CFAP299: variants seen among roughly 807,000 people sequenced by gnomAD.
CFAP299 encodes the protein cilia- and flagella-associated protein 299.
In CFAP299, 21 loss-of-function variants were observed where a neutral mutation model predicts 27.0. The ratio of observed to expected loss-of-function variants is 0.78; its 90% CI spans 0.55 to 1.12. The LOEUF is 1.12. Ranked by LOEUF, CFAP299 falls within the 50% of genes most tolerant of loss-of-function variation. The pLI, the probability that CFAP299 is intolerant of heterozygous loss-of-function variation, is 0.00. For synonymous variants in CFAP299, 104 were observed against 98.1 expected, an observed-to-expected ratio of 1.06 and a Z score of -0.36; for missense variants, 310 against 276.6, an observed-to-expected ratio of 1.12 and a Z score of -0.86.
chr4:80,380,053 T>A (rs1337839237), intron 2 of CFAP299, among the ~76,000 whole-genome samples: 1 of 152,140 alleles, frequency 6.6e-6, no homozygotes, highest in Non-Finnish European at 1.5e-5. Flanking sequence ...TAAAATACTA[T>A]CTTTTTGATT....
chr4:80,554,838 T>C (rs1020308911), intron 2 of CFAP299, among the ~76,000 whole-genome samples: 1 of 152,138 alleles, frequency 6.6e-6, no homozygotes, highest in Non-Finnish European at 1.5e-5. Context: ...GTGATTTTTG[T>C]ACATTGATTT....
At chr4:80,356,160 T>A (rs959906814) in intron 1 of CFAP299, among the ~76,000 whole-genome samples, 2 of 152,052 alleles carry the variant, frequency 1.3e-5, no homozygotes, top group African/African-American at 4.8e-5. Flanking sequence ...GACATGTGGC[T>A]TTATTTCTGA....
At chr4:80,754,582 A>T (rs1725128047) in intron 3 of CFAP299, among the ~76,000 whole-genome samples, 1 of 151,926 alleles carries the variant, frequency 6.6e-6, no homozygotes, top group African/African-American at 2.4e-5. Context: ...GGTTGCTCTT[A>T]AACTCCAATA....
At chr4:80,896,388 G>T (rs975348896) in intron 4 of CFAP299, among the ~76,000 whole-genome samples, 1 of 152,102 alleles carries the variant, frequency 6.6e-6, no homozygotes, top group African/African-American at 2.4e-5. Context: ...GGGCAGTATT[G>T]TAATGTTTTA....
At chr4:80,866,692 T>C (rs1431908793) in intron 3 of CFAP299, among the ~76,000 whole-genome samples, 2 of 152,138 alleles carry the variant, frequency 1.3e-5, no homozygotes, top group African/African-American at 4.8e-5. Context: ...TATAGTCCGC[T>C]TGACCTCACT....
intron 2 of CFAP299, among the ~76,000 whole-genome samples, chr4:80,495,817 C>T (rs1731408418): frequency 6.6e-6 from 1 of 152,186 alleles, no homozygotes; most frequent in Non-Finnish European, 1.5e-5. Context: ...AGGAAACGTA[C>T]AACTTACCAT....
At chr4:80,726,341 T>C (rs1159139542) in intron 3 of CFAP299, among the ~76,000 whole-genome samples, 1 of 152,188 alleles carries the variant, frequency 6.6e-6, no homozygotes, top group African/African-American at 2.4e-5. Context: ...TTGTGGTTTT[T>C]GCCTTTTTTA....
At chr4:80,488,957 A>G (rs1018752877) in intron 2 of CFAP299, among the ~76,000 whole-genome samples, 16 of 152,318 alleles carry the variant, frequency 1.1e-4, no homozygotes, top group African/African-American at 3.8e-4. Context: ...ATGCTTCTGT[A>G]CACAAGATCT....
Position 80,579,933 on chromosome 4 carries a change from T to C in CFAP299, c.243-3160T>C, listed in dbSNP as rs1736081044. On this transcript the variant is annotated intron_variant, in intron 2 of 5. Coordinates refer to ENST00000358105, the MANE Select transcript of CFAP299 (RefSeq NM_152770.3). The stretch of plus-strand genomic sequence containing the variant: ...AAATTGGACTTTATCTGTAAAGCTC[T>C]AAAAATTTACAGCAAAATAAGCTAT... Among the ~76,000 whole-genome samples, 4 of 152,204 alleles carry C rather than the reference T, an allele frequency of 2.6e-5. No homozygotes were observed. In the East Asian group the frequency reaches 7.7e-4, roughly 29 times the overall value.
chr4:80,584,425 G>T lies in CFAP299; in HGVS notation c.333+1242G>T, dbSNP rs778820564. ...GACTAAGGAAAATGTTAGAGGTCAA[G>T]ATGTGGTAATTGAAGAAAATACTAG... On this transcript the variant is annotated intron_variant, in intron 3 of 5. Transcript: ENST00000358105. 5.7e-4 allele frequency among the ~76,000 whole-genome samples: 87 copies of T among 152,138 alleles called. 1 individual carries two copies. The Middle Eastern group carries it at 0.01, about 18-fold the overall frequency.
intron 2 of CFAP299, among the ~76,000 whole-genome samples, chr4:80,389,807 T>G (rs1725226867): frequency 6.6e-6 from 1 of 152,208 alleles, no homozygotes; most frequent in African/African-American, 2.4e-5. Flanking sequence ...ACTATTTACT[T>G]CTTTAAACAC....
intron 3 of CFAP299, among the ~76,000 whole-genome samples, chr4:80,817,514 C>T (rs761649710): frequency 2.0e-5 from 3 of 151,992 alleles, no homozygotes; most frequent in African/African-American, 4.8e-5. Context: ...CTTATGTCAT[C>T]ATGCAATCTT....
At chr4:80,884,039 A>C (rs188214562) in intron 4 of CFAP299, among the ~76,000 whole-genome samples, 2 of 152,092 alleles carry the variant, frequency 1.3e-5, no homozygotes, top group Non-Finnish European at 2.9e-5. Flanking sequence ...TCCAGTATGC[A>C]CTGGTGTGTG....
chr4:80,805,826 A>G (rs77283613), intron 3 of CFAP299, among the ~76,000 whole-genome samples: 2,752 of 152,284 alleles, frequency 0.018, 62 homozygotes, highest in East Asian at 0.06. Flanking sequence ...GTGAGCCAAC[A>G]TCGTGCCACT....
At chr4:80,724,115 T>C (rs548144619) in intron 3 of CFAP299, among the ~76,000 whole-genome samples, 5 of 152,286 alleles carry the variant, frequency 3.3e-5, no homozygotes, top group Middle Eastern at 3.4e-3. Flanking sequence ...GTTAGAAATG[T>C]CACTAAAATA....
intron 3 of CFAP299, among the ~76,000 whole-genome samples, chr4:80,849,941 C>T (rs952912895): frequency 6.6e-6 from 1 of 152,018 alleles, no homozygotes; most frequent in African/African-American, 2.4e-5. Flanking sequence ...TTGATCATTA[C>T]ACAATGTATA....
intron 3 of CFAP299, among the ~76,000 whole-genome samples, chr4:80,668,947 A>G (rs937786082): frequency 6.6e-6 from 1 of 151,984 alleles, no homozygotes; most frequent in African/African-American, 2.4e-5. Context: ...AAATCCACAA[A>G]CATGGAATAT....
At chr4:80,833,789 T>C (rs2110133298) in intron 3 of CFAP299, among the ~76,000 whole-genome samples, 1 of 152,344 alleles carries the variant, frequency 6.6e-6, no homozygotes, top group South Asian at 2.1e-4. Flanking sequence ...AAGCTTCCTC[T>C]GTAGATGTGA....
At chr4:80,474,256 C>G (rs1212865152) in intron 2 of CFAP299, among the ~76,000 whole-genome samples, 5 of 152,020 alleles carry the variant, frequency 3.3e-5, no homozygotes, top group Non-Finnish European at 7.4e-5. Context: ...ACTAACATGA[C>G]AAATAATATT....
Sources: gnomAD v4.1 joint callset for allele counts (sites outside exome capture counted in the v4.1 genomes callset) on GRCh38, gnomAD v4.1.1 for gene constraint, MANE v1.5 for transcripts, NCBI Gene and HGNC (gene_info 2026-07-23, HGNC 2026-07-21) for gene names.